Variants in CLYBL observed in about 807,000 individuals in gnomAD.
CLYBL encodes the protein citramalyl-CoA lyase, mitochondrial.
CLYBL carries 31 observed loss-of-function variants against 38.9 expected under a neutral mutation model. That is an observed-to-expected ratio of 0.80 (90% CI 0.60 to 1.08). CLYBL has a LOEUF of 1.08. Ranked by LOEUF, CLYBL falls within the 50% of genes least tolerant of loss-of-function variation. CLYBL has a pLI of 0.00. For missense variants in CLYBL, 434 were observed against 411.6 expected, an observed-to-expected ratio of 1.05 and a Z score of -0.47; for synonymous variants, 171 against 158.6, an observed-to-expected ratio of 1.08 and a Z score of -0.59.
At chr13:99,843,605 T>TTC (rs36158602) in intron 2 of CLYBL, among the ~76,000 whole-genome samples, 203 of 12,846 alleles carry the variant, frequency 0.016, 1 homozygote, top group African/African-American at 0.055. Context: ...AAAATTAATC[T>TTC]TTTTTTTTTT....
intron 5 of CLYBL, 121 bp from the exon 6 acceptor site, chr13:99,866,119 T>C (rs1441174372): frequency 5.3e-6 from 5 of 949,958 alleles, no homozygotes; most frequent in Non-Finnish European, 8.1e-6. Context: ...TAATTTTATT[T>C]TGCGGAGGAG....
chr13:99,714,604 G>A (rs1454083417), intron 1 of CLYBL, among the ~76,000 whole-genome samples: 1 of 151,904 alleles, frequency 6.6e-6, no homozygotes, highest in Middle Eastern at 3.4e-3. Context: ...GTGACAGAGT[G>A]AGACTCCGTC....
intron 1 of CLYBL, among the ~76,000 whole-genome samples, chr13:99,706,931 T>C (rs2048155440): frequency 6.6e-6 from 1 of 152,282 alleles, no homozygotes; most frequent in African/African-American, 2.4e-5. Flanking sequence ...GCCTCCTGAG[T>C]AGCCAGGACT....
At chr13:99,735,673 C>A (rs1352629023) in intron 1 of CLYBL, among the ~76,000 whole-genome samples, 2 of 152,066 alleles carry the variant, frequency 1.3e-5, no homozygotes, top group Non-Finnish European at 1.5e-5. Flanking sequence ...TAAAATAAAC[C>A]TGTGTTTCCA....
chr13:99,801,023 T>C (rs188727003), intron 2 of CLYBL, among the ~76,000 whole-genome samples: 1 of 152,002 alleles, frequency 6.6e-6, no homozygotes, highest in Non-Finnish European at 1.5e-5. Context: ...GCAGCCCCAG[T>C]AGGGGAAGGA....
At chr13:99,678,473 T>C (rs1180875994) in intron 1 of CLYBL, among the ~76,000 whole-genome samples, 1 of 152,262 alleles carries the variant, frequency 6.6e-6, no homozygotes, top group Non-Finnish European at 1.5e-5. Flanking sequence ...GTCTACATTG[T>C]TGAAGAAGCT....
chr13:99,770,969 C>A (rs2049379163), intron 1 of CLYBL, among the ~76,000 whole-genome samples: 2 of 151,178 alleles, frequency 1.3e-5, no homozygotes, highest in South Asian at 4.2e-4. Context: ...ATCCACCCGC[C>A]TTGGCCTCCC....
At chr13:99,623,639 G>A (rs538854939) in intron 1 of CLYBL, among the ~76,000 whole-genome samples, 1 of 152,164 alleles carries the variant, frequency 6.6e-6, no homozygotes, top group East Asian at 1.9e-4. Context: ...AGGCTCAGGG[G>A]ATTCAGATCC....
chr13:99,843,893 T>C (rs536519896), intron 2 of CLYBL, among the ~76,000 whole-genome samples: 1 of 152,366 alleles, frequency 6.6e-6, no homozygotes, highest in Non-Finnish European at 1.5e-5. Flanking sequence ...TGAGCCACCA[T>C]GCCTGGCCAA....
chr13:99,767,972 C>G (rs148575433), intron 1 of CLYBL, among the ~76,000 whole-genome samples: 1 of 152,006 alleles, frequency 6.6e-6, no homozygotes, highest in African/African-American at 2.4e-5. Context: ...CTTCCTTTGA[C>G]TGGGCCATAT....
intron 1 of CLYBL, among the ~76,000 whole-genome samples, chr13:99,633,871 A>G (rs917942739): frequency 6.6e-6 from 1 of 152,206 alleles, no homozygotes; most frequent in African/African-American, 2.4e-5. Flanking sequence ...AAGAAAAGCA[A>G]ATAGAGCCTC....
chr13:99,837,860 G>C lies in CLYBL; in HGVS notation c.250-21001G>C, dbSNP rs139673476. ...AACCAAATAAAGTGGATATCCCCAA[G>C]AAGAGTGGAGACAGAAATCTCTACA... On this transcript the variant is annotated intron_variant, in intron 2 of 8. Transcript: ENST00000339105. 6.6e-5 allele frequency among the ~76,000 whole-genome samples: 10 copies of C among 152,346 alleles called. No homozygotes were observed. In the East Asian group the frequency reaches 1.5e-3, roughly 23 times the overall value.
At chr13:99,800,094 C>T (rs770759050) in intron 2 of CLYBL, among the ~76,000 whole-genome samples, 1 of 152,222 alleles carries the variant, frequency 6.6e-6, no homozygotes, top group Non-Finnish European at 1.5e-5. Flanking sequence ...AGTTTGTCGT[C>T]CTCCCCTCAC....
intron 1 of CLYBL, among the ~76,000 whole-genome samples, chr13:99,705,930 T>G (rs981201165): frequency 3.3e-5 from 5 of 151,902 alleles, no homozygotes; most frequent in Admixed American, 3.3e-4. Context: ...AATTTTTTTT[T>G]TTGTTTTTTT....
intron 1 of CLYBL, among the ~76,000 whole-genome samples, chr13:99,730,397 G>C (rs2139568037): frequency 6.6e-6 from 1 of 152,372 alleles, no homozygotes; most frequent in South Asian, 2.1e-4. Context: ...TGCCCAGGTG[G>C]CTGGAGCGAG....
intron 1 of CLYBL, among the ~76,000 whole-genome samples, chr13:99,689,491 G>C (rs892340726): frequency 1.6e-4 from 25 of 152,300 alleles, no homozygotes; most frequent in African/African-American, 6.0e-4. Context: ...AAAAGTGAGA[G>C]GTAAAAATTA....
intron 1 of CLYBL, among the ~76,000 whole-genome samples, chr13:99,615,937 GA>G (rs1276960336): frequency 6.6e-6 from 1 of 152,116 alleles, no homozygotes; most frequent in Non-Finnish European, 1.5e-5. Context: ...GGGTTCAAGC[GA>G]TCCTCCTGCC....
chr13:99,760,490 G>A (rs1262297342), intron 1 of CLYBL, among the ~76,000 whole-genome samples: 2 of 152,158 alleles, frequency 1.3e-5, no homozygotes, highest in African/African-American at 4.8e-5. Context: ...CAGCTCTACT[G>A]GTGACAAACT....
chr13:99,672,619 A>C (rs1001112934), intron 1 of CLYBL, among the ~76,000 whole-genome samples: 1 of 151,458 alleles, frequency 6.6e-6, no homozygotes, highest in Admixed American at 6.6e-5. Flanking sequence ...ACCAAAAAAA[A>C]AAAAAAGTTA....
Sources: gnomAD v4.1 joint callset for allele counts (sites outside exome capture counted in the v4.1 genomes callset) on GRCh38, gnomAD v4.1.1 for gene constraint, MANE v1.5 for transcripts, NCBI Gene and HGNC (gene_info 2026-07-23, HGNC 2026-07-21) for gene names.